The following CSRP1 variants were observed in gnomAD, a reference collection of about 807,000 sequenced individuals.
CSRP1 encodes the protein cysteine and glycine-rich protein 1.
Under a neutral mutation model 25.4 loss-of-function variants are expected in CSRP1, and 16 were observed. The ratio of observed to expected loss-of-function variants is 0.63; its 90% confidence interval spans 0.43 to 0.96. The LOEUF (loss-of-function observed/expected upper bound fraction) is 0.96, where lower values mean the gene tolerates loss of function less well. Among genes scored for constraint, CSRP1 ranks in the 40% least tolerant of loss-of-function variants. CSRP1 has a pLI of 0.00. For synonymous variants in CSRP1, 97 were observed against 95.3 expected, an observed-to-expected ratio of 1.02 and a Z score of -0.10; for missense variants, 212 against 243.6, an observed-to-expected ratio of 0.87 and a Z score of 0.86.
At chr1:201,486,036 G>GAC (rs1417688378) in intron 4 of CSRP1, 1 of 152,334 alleles carries the variant, frequency 6.6e-6, no homozygotes, top group African/African-American at 2.4e-5. Flanking sequence ...CCCAGTGAGG[G>GAC]ACATACTGCC....
chr1:201,487,801 C>T (rs545635790), intron 4 of CSRP1: 3 of 152,288 alleles, frequency 2.0e-5, no homozygotes, highest in Admixed American at 2.0e-4. Context: ...TTATGTAATC[C>T]TCCTGACTCC....
At chr1:201,499,949 C>T (rs971040807) in intron 1 of CSRP1, among the ~76,000 whole-genome samples, 5 of 152,000 alleles carry the variant, frequency 3.3e-5, no homozygotes, top group African/African-American at 4.8e-5. Context: ...CCTCATCATC[C>T]GAAGATAAAG....
chr1:201,486,706 G>T, intron 4 of CSRP1: 2 of 1,043,156 alleles, frequency 1.9e-6, no homozygotes, highest in Non-Finnish European at 2.3e-6. Context: ...GAATCCCTTT[G>T]CTCATTCATA....
At chr1:201,485,401 TG>T in intron 4 of CSRP1, 25 bp from the exon 5 acceptor site, 1 of 1,606,892 alleles carries the variant, frequency 6.2e-7, no homozygotes. Context: ...AAATAGTTAA[TG>T]GCTGCCACCA....
At chr1:201,492,408 T>C (rs755785927) in intron 2 of CSRP1, 2 of 152,162 alleles carry the variant, frequency 1.3e-5, no homozygotes, top group Non-Finnish European at 1.5e-5. Flanking sequence ...TCTACCTCCA[T>C]CCAGGTGATA....
rs1280853630 is a variant in CSRP1 at position 201,484,082 on chromosome 1, C to T, written c.*631G>A. 1 of 685,710 alleles carries T rather than the reference C, an allele frequency of 1.5e-6. No individual in the cohort carries two copies. The highest frequency in any genetic ancestry group is 1.5e-5 in the South Asian group (1 of 66,910). 42.5% of individuals were successfully genotyped at this position (685,710 alleles called of 1,614,324 possible). On this transcript the variant is annotated 3_prime_UTR_variant, in exon 6 of 6. Coordinates refer to ENST00000340006, the MANE Select transcript of CSRP1 (RefSeq NM_004078.3). ...TCCTTAAGACCTGGGTTATTCTCCT[C>T]CCAGTCCTAGTGGGAGGCTATCCAT...
chr1:201,490,397 CTTGCTCA>C (rs1461367243), intron 2 of CSRP1, 53 bp from the exon 3 acceptor site: 2 of 1,582,440 alleles, frequency 1.3e-6, no homozygotes, highest in Non-Finnish European at 8.6e-7. Flanking sequence ...GGGTGACCTT[CTTGCTCA>C]TTGCAAGCTT....
chr1:201,488,857 TC>T lies in CSRP1; in HGVS notation c.408del (p.Lys137SerfsTer113). The T allele has an allele frequency of 1.2e-6, 2 of 1,613,814 alleles. No homozygotes were observed. Among genetic ancestry groups the T allele is most frequent in the Non-Finnish European group, 1.7e-6 (2 of 1,179,812 alleles). Reference sequence around the variant, plus strand: ...CTCATGCCCAGCAGCCACCTTACCTTCCCAGCACCAATCACCTTCTCCGCAG... The same window carrying T: ...CTCATGCCCAGCAGCCACCTTACCTTCCAGCACCAATCACCTTCTCCGCAG... ...VYAAEKVIGA[G>X]KSWHKACFRC... On this transcript the variant is annotated frameshift_variant, in exon 4 of 6. Transcript: ENST00000340006. LOFTEE classifies it high-confidence loss of function.
At chr1:201,505,058 C>A (rs1664777963) in intron 1 of CSRP1, among the ~76,000 whole-genome samples, 1 of 152,158 alleles carries the variant, frequency 6.6e-6, no homozygotes, top group Admixed American at 6.5e-5. Context: ...CAATGTCACG[C>A]CATTGCACTC....
Position 201,484,200 on chromosome 1 carries a change from G to T in CSRP1, c.*513C>A. 1 of 553,900 alleles carries T rather than the reference G, an allele frequency of 1.8e-6. No individual in the cohort carries two copies. Among genetic ancestry groups the T allele is most frequent in the Non-Finnish European group, 3.3e-6 (1 of 304,694 alleles). The allele number at this position is 553,900 out of a possible 1,614,324, so 34.3% of individuals were successfully genotyped here. A position where few individuals can be genotyped will look rare whatever the true frequency, so the allele number is the denominator to read the frequency against. ...TCTGCCTCCAATAGTGACTCCCTAAGCTGGGACTCCTCAGGCTTACTCTGA... is the reference window on the plus strand; with the variant it reads ...TCTGCCTCCAATAGTGACTCCCTAATCTGGGACTCCTCAGGCTTACTCTGA... On this transcript the variant is annotated 3_prime_UTR_variant, in exon 6 of 6. Coordinates refer to ENST00000340006, the MANE Select transcript of CSRP1 (RefSeq NM_004078.3).
At chr1:201,495,117 C>T (rs77256896) in intron 2 of CSRP1, among the ~76,000 whole-genome samples, 2,633 of 152,292 alleles carry the variant, frequency 0.017, 73 homozygotes, top group African/African-American at 0.06. Flanking sequence ...TGTACCTTGG[C>T]GGGCACAGTG....
At chr1:201,494,093 C>T (rs114211462) in intron 2 of CSRP1, among the ~76,000 whole-genome samples, 4,658 of 152,170 alleles carry the variant, frequency 0.031, 255 homozygotes, top group African/African-American at 0.1. Flanking sequence ...CCCCCGCACC[C>T]CGCCAAGAGC....
Position 201,483,974 on chromosome 1 carries a change from T to C in CSRP1, c.*739A>G. The stretch of plus-strand genomic sequence containing the variant: ...TGAGCCATTGATAAATGCCAATATA[T>C]GTTTCAGGTATTTCATTAGGATCCT... On this transcript the variant is annotated 3_prime_UTR_variant, in exon 6 of 6. Coordinates refer to ENST00000340006, the MANE Select transcript of CSRP1 (RefSeq NM_004078.3). The C allele has an allele frequency of 2.9e-6, 2 of 689,294 alleles. No homozygotes were observed. The highest frequency in any genetic ancestry group is 3.0e-5 in the South Asian group (2 of 67,014). The allele number at this position is 689,294 out of a possible 1,614,324, so 42.7% of individuals were successfully genotyped here.
intron 1 of CSRP1, among the ~76,000 whole-genome samples, chr1:201,500,068 A>G (rs1312445441): frequency 6.6e-6 from 1 of 152,226 alleles, no homozygotes; most frequent in African/African-American, 2.4e-5. Context: ...ATGCAAGCTC[A>G]TCTATTTCTG....
intron 4 of CSRP1, chr1:201,487,765 C>T (rs1299242865): frequency 1.3e-5 from 2 of 152,240 alleles, no homozygotes; most frequent in Non-Finnish European, 2.9e-5. Context: ...GGCTTAGCCC[C>T]TTCCTAGCTA....
chr1:201,485,412 A>G, intron 4 of CSRP1, 36 bp from the exon 5 acceptor site: 1 of 1,587,534 alleles, frequency 6.3e-7, no homozygotes, highest in Non-Finnish European at 8.7e-7. Flanking sequence ...GGCTGCCACC[A>G]GTGATGAGGG....
At chr1:201,492,681 A>G (rs495886) in intron 2 of CSRP1, 86,710 of 152,090 alleles carry the variant, frequency 0.57, 25,822 homozygotes, top group Non-Finnish European at 0.67. Flanking sequence ...ACTCAGAAAT[A>G]GAGAATGATT....
chr1:201,483,688 AC>A lies in CSRP1; in HGVS notation c.*1024del. 1 of 291,542 alleles carries A rather than the reference AC, an allele frequency of 3.4e-6. No homozygotes were observed. Among genetic ancestry groups the A allele is most frequent in the Non-Finnish European group, 6.6e-6 (1 of 151,046 alleles). 18.1% of individuals were successfully genotyped at this position (291,542 alleles called of 1,614,324 possible). A position where few individuals can be genotyped will look rare whatever the true frequency, so the allele number is the denominator to read the frequency against. Reference sequence around the variant, plus strand: ...CCCCTTCCTCCCACCACTATTCCTAACCTGGGGCCTGGCAGGGGTGGAGTGA... The same window carrying A: ...CCCCTTCCTCCCACCACTATTCCTAACTGGGGCCTGGCAGGGGTGGAGTGA... On this transcript the variant is annotated 3_prime_UTR_variant, in exon 6 of 6. Transcript: ENST00000340006.
chr1:201,506,261 C>G (rs1664820072), intron 1 of CSRP1, among the ~76,000 whole-genome samples: 1 of 152,156 alleles, frequency 6.6e-6, no homozygotes, highest in African/African-American at 2.4e-5. Flanking sequence ...TCTCAGGGAG[C>G]AGCTGGTGGG....
Sources: gnomAD v4.1 joint callset for allele counts (sites outside exome capture counted in the v4.1 genomes callset) on GRCh38, gnomAD v4.1.1 for gene constraint, MANE v1.5 for transcripts, NCBI Gene and HGNC (gene_info 2026-07-23, HGNC 2026-07-21) for gene names.